The following HIRA variants were observed in gnomAD, a reference collection of about 807,000 sequenced individuals.
HIRA encodes histone cell cycle regulator.
In HIRA, 13 loss-of-function variants were observed where a neutral mutation model predicts 126.6. That is an observed-to-expected ratio of 0.10 (90% CI 0.07 to 0.16). HIRA has a LOEUF of 0.16. HIRA is among the 10% of genes least tolerant of loss of function. The probability of loss-of-function intolerance (pLI) is 1.00; values close to 1 mark genes in which losing one functional copy is unlikely to be tolerated. For missense variants in HIRA, 834 were observed against 1,314.4 expected, an observed-to-expected ratio of 0.63 and a Z score of 5.65; for synonymous variants, 511 against 520.0, an observed-to-expected ratio of 0.98 and a Z score of 0.24.
chr22:19,374,103 C>T (rs982983740), intron 15 of HIRA, among the ~76,000 whole-genome samples: 15 of 151,930 alleles, frequency 9.9e-5, no homozygotes, highest in African/African-American at 2.9e-4. Context: ...GAGGCTGAGG[C>T]GGGTGGATCA....
intron 24 of HIRA, among the ~76,000 whole-genome samples, chr22:19,342,594 G>A (rs1556007879): frequency 6.6e-6 from 1 of 152,154 alleles, no homozygotes; most frequent in Non-Finnish European, 1.5e-5. Context: ...CACCATGTTG[G>A]CTGTGCTGGT....
intron 24 of HIRA, among the ~76,000 whole-genome samples, chr22:19,345,946 G>A (rs892508593): frequency 6.6e-6 from 1 of 152,192 alleles, no homozygotes; most frequent in African/African-American, 2.4e-5. Flanking sequence ...TGCACTGGCA[G>A]CTCAAATCAG....
rs966811084 is a variant in HIRA, at chr22:19,388,673, T to C, written c.937-119A>G. 5.3e-6 allele frequency: 4 copies of C among 749,018 alleles called. No homozygotes were observed. In the African/African-American group the frequency reaches 7.0e-5, roughly 13 times the overall value. 46.4% of individuals were successfully genotyped at this position (749,018 alleles called of 1,614,324 possible). ...AAAGTGGCTGCTGATATTTAAGGCA[T>C]CTTCAACTCTATTCAAACTGCAGCT... On this transcript the variant is annotated intron_variant, in intron 9 of 24. Coordinates refer to ENST00000263208, the MANE Select transcript of HIRA (RefSeq NM_003325.4).
chr22:19,361,266 G>C lies in HIRA; in HGVS notation c.2056C>G (p.Pro686Ala). The C allele has an allele frequency of 1.2e-6, 2 of 1,614,226 alleles. No homozygotes were observed. Among genetic ancestry groups the C allele is most frequent in the African/African-American group, 1.3e-5 (1 of 75,062 alleles). ...APALALKLPI[P>A]SPQRAFTLQV... ...AGGGTGAATGCTCTCTGGGGGCTTG[G>C]AATTGGCAGCTTCAGTGCAAGTGCT... The change falls in exon 17 of 25, where the codon CCA becomes GCA. Residue 686 changes from proline to alanine, a missense_variant. Around this residue, in one of 5 missense-constraint regions of HIRA, gnomAD observed 468 missense variants for 574.2 expected, o/e 0.82. Coordinates refer to ENST00000263208, the MANE Select transcript of HIRA (RefSeq NM_003325.4).
chr22:19,355,168 G>A lies in HIRA; in HGVS notation c.2561+592C>T, dbSNP rs188156708. ...AGGGGCTAGGAGGTAGCAAGCTTTGGTTCTTAAGGACCAAAGGTATAGACA... is the reference window on the plus strand; with the variant it reads ...AGGGGCTAGGAGGTAGCAAGCTTTGATTCTTAAGGACCAAAGGTATAGACA... On this transcript the variant is annotated intron_variant, in intron 21 of 24. Coordinates refer to ENST00000263208, the MANE Select transcript of HIRA (RefSeq NM_003325.4). Among the ~76,000 whole-genome samples, 526 of 152,212 alleles carry A rather than the reference G, an allele frequency of 3.5e-3. 3 individuals are homozygous for A. Among genetic ancestry groups the A allele is most frequent in the Admixed American group, 6.6e-3 (101 of 15,286 alleles).
intron 21 of HIRA, among the ~76,000 whole-genome samples, chr22:19,355,025 C>T (rs1210712): frequency 0.8 from 121,354 of 151,944 alleles, 49,662 homozygotes; most frequent in Non-Finnish European, 0.88. Flanking sequence ...CTCTCAGCCT[C>T]CCACAGCGCT....
At chr22:19,413,293 G>A (rs898817590) in intron 1 of HIRA, among the ~76,000 whole-genome samples, 2 of 152,194 alleles carry the variant, frequency 1.3e-5, no homozygotes, top group African/African-American at 2.4e-5. Flanking sequence ...GGGAAGGCAG[G>A]GATGGAGGCT....
At chr22:19,385,773 A>G in intron 11 of HIRA, 37 bp from the exon 12 acceptor site, 1 of 1,586,322 alleles carries the variant, frequency 6.3e-7, no homozygotes, top group Non-Finnish European at 8.6e-7. Flanking sequence ...TGCCAGCATG[A>G]GTGCCAGTGT....
intron 5 of HIRA, among the ~76,000 whole-genome samples, chr22:19,399,688 T>G (rs2089251846): frequency 6.6e-6 from 1 of 152,240 alleles, no homozygotes; most frequent in Admixed American, 6.5e-5. Context: ...GGTTTTACAT[T>G]TCTACATGCA....
At position 19,351,112 on chromosome 22, in the gene HIRA, C is replaced by A; in HGVS notation, c.2937+246G>T. The A allele has an allele frequency of 1.0e-6, 1 of 985,284 alleles. No homozygotes were observed. The highest frequency in any genetic ancestry group is 1.2e-6 in the Non-Finnish European group (1 of 829,798). The allele number at this position is 985,284 out of a possible 1,614,324, so 61.0% of individuals were successfully genotyped here. A position where few individuals can be genotyped will look rare whatever the true frequency, so the allele number is the denominator to read the frequency against. ...TTCACAACCAAGCCCAGAGCCCCTG[C>A]AGGCAGCCTCCCTCAGCACAGGCAC... On this transcript the variant is annotated intron_variant, in intron 24 of 24. Coordinates refer to ENST00000263208, the MANE Select transcript of HIRA (RefSeq NM_003325.4). The surrounding 1 kb of genome is among the most constrained non-coding windows in gnomAD (Gnocchi z 4.8).
chr22:19,363,826 AG>A (rs900510651), intron 15 of HIRA, among the ~76,000 whole-genome samples: 1 of 152,168 alleles, frequency 6.6e-6, no homozygotes, highest in African/African-American at 2.4e-5. Context: ...TGAACCTGGG[AG>A]GCGGAGGTTG....
intron 2 of HIRA, among the ~76,000 whole-genome samples, chr22:19,409,129 G>C (rs2089330421): frequency 6.6e-6 from 1 of 152,110 alleles, no homozygotes; most frequent in Admixed American, 6.5e-5. Context: ...AATGTACCCT[G>C]AACACAGGAA....
intron 9 of HIRA, among the ~76,000 whole-genome samples, chr22:19,388,967 A>G (rs1259484832): frequency 6.6e-6 from 1 of 152,124 alleles, no homozygotes; most frequent in East Asian, 1.9e-4. Flanking sequence ...CCTGAGAGAG[A>G]ACACAACACA....
At position 19,396,859 on chromosome 22, in the gene HIRA, A is replaced by T. The variant is rs376557926; in HGVS notation, c.582T>A (p.Asp194Glu). 6.2e-7 allele frequency: 1 copy of T among 1,614,114 alleles called. No homozygotes were observed. The highest frequency in any genetic ancestry group is 1.3e-5 in the African/African-American group (1 of 74,946). The stretch of plus-strand genomic sequence containing the variant: ...TCCTCCACACCTTTAGGCTGCGGTC[A>T]TCAGCTTGAGAAGCTATGTATTTAC... ...PVGKYIASQADDRSLKVWRTL... is the reference protein window; with the variant it reads ...PVGKYIASQAEDRSLKVWRTL... Residue 194 changes from aspartate (D) to glutamate (E), a missense_variant, in exon 7 of 25, where the codon GAT (aspartate) becomes GAA (glutamate). By Grantham distance (45) the Asp-to-Glu change is conservative. Around this residue, in one of 5 missense-constraint regions of HIRA, gnomAD observed 53 missense variants for 163.7 expected, o/e 0.32. Transcript: ENST00000263208.
chr22:19,368,315 G>C (rs1365835014), intron 15 of HIRA, among the ~76,000 whole-genome samples: 1 of 152,196 alleles, frequency 6.6e-6, no homozygotes, highest in Non-Finnish European at 1.5e-5. Flanking sequence ...CTGTGAAACT[G>C]AAGTGTCTGT....
At chr22:19,416,857 G>A (rs567011155) in intron 1 of HIRA, among the ~76,000 whole-genome samples, 3 of 152,228 alleles carry the variant, frequency 2.0e-5, no homozygotes, top group South Asian at 2.1e-4. Flanking sequence ...ACTCAACAAC[G>A]TGACTCAAAA....
At position 19,387,700 on chromosome 22, in the gene HIRA, C is replaced by T. The variant is rs751438341; in HGVS notation, c.1113+11G>A. On this transcript the variant is annotated intron_variant, in intron 11 of 24. Transcript: ENST00000263208. ...ACAGAGCACCCAGCAGCACAAGAGC[C>T]GTCAGCCTACCTTCTCCTCCTCGCT... 3.9e-5 allele frequency: 63 copies of T among 1,609,628 alleles called. No homozygotes were observed. Among genetic ancestry groups the T allele is most frequent in the African/African-American group, 8.0e-5 (6 of 74,858 alleles).
At chr22:19,349,219 C>T (rs2088727467) in intron 24 of HIRA, among the ~76,000 whole-genome samples, 1 of 152,096 alleles carries the variant, frequency 6.6e-6, no homozygotes, top group Non-Finnish European at 1.5e-5. Context: ...ATTCTCCTGC[C>T]TCAGCCTCCC....
intron 13 of HIRA, among the ~76,000 whole-genome samples, chr22:19,378,778 A>T (rs2089042634): frequency 6.6e-6 from 1 of 152,268 alleles, no homozygotes; most frequent in Non-Finnish European, 1.5e-5. Flanking sequence ...ATTACACCTA[A>T]GATTCACATA....
Sources: gnomAD v4.1 joint callset for allele counts (sites outside exome capture counted in the v4.1 genomes callset) on GRCh38, gnomAD v4.1.1 for gene constraint, gnomAD v4.1.1 regional missense constraint, Gnocchi (gnomAD v3.1) non-coding constraint, MANE v1.5 for transcripts, NCBI Gene and HGNC (gene_info 2026-07-23, HGNC 2026-07-21) for gene names.